B9D1: variants seen among roughly 807,000 people sequenced by gnomAD.
The protein encoded by B9D1 is B9 domain containing 1.
A neutral mutation model predicts 26.1 loss-of-function variants in B9D1; 20 were observed. The observed-to-expected ratio is 0.77, with a 90% CI of 0.54 to 1.12. B9D1 has a LOEUF of 1.12. B9D1 is among the 50% of genes most tolerant of loss of function. B9D1 has a pLI of 0.00. For synonymous variants in B9D1, 105 were observed against 103.1 expected, an observed-to-expected ratio of 1.02 and a Z score of -0.11; for missense variants, 260 against 273.7, an observed-to-expected ratio of 0.95 and a Z score of 0.35.
At chr17:19,350,412 C>T (rs910648296) in intron 3 of B9D1, among the ~76,000 whole-genome samples, 2 of 150,924 alleles carry the variant, frequency 1.3e-5, no homozygotes, top group African/African-American at 4.9e-5. Flanking sequence ...TGGGTGTGGT[C>T]GCATGTGCCT....
upstream of B9D1, among the ~76,000 whole-genome samples, chr17:19,367,256 CAAT>C (rs2152281960): frequency 6.6e-6 from 1 of 150,814 alleles, no homozygotes; most frequent in Admixed American, 6.6e-5. Context: ...ACGTTCTCAA[CAAT>C]GTTGTGTGTT....
chr17:19,361,038 C>T (rs1347651357), intron 1 of B9D1, among the ~76,000 whole-genome samples: 1 of 152,124 alleles, frequency 6.6e-6, no homozygotes. Context: ...ATTAGATTCT[C>T]ATAGGAGCAC....
intron 1 of B9D1, chr17:19,371,677 C>G (rs1411269684): frequency 6.6e-6 from 1 of 152,304 alleles, no homozygotes; most frequent in Non-Finnish European, 1.5e-5. Context: ...ATCTGTTAAA[C>G]TGGCCTCCCT....
chr17:19,337,690 G>T (rs941499851), downstream of B9D1: 1 of 1,531,518 alleles, frequency 6.5e-7, no homozygotes, highest in Non-Finnish European at 8.7e-7. Context: ...GTGACTCAGG[G>T]ACTCAAGCCG....
intron 1 of B9D1, among the ~76,000 whole-genome samples, chr17:19,373,507 T>C (rs934786064): frequency 2.0e-5 from 3 of 152,016 alleles, no homozygotes; most frequent in Non-Finnish European, 4.4e-5. Flanking sequence ...TTCTCCTGCC[T>C]CAGCCTCCCG....
chr17:19,344,774 G>A (rs1908529299), intron 5 of B9D1, among the ~76,000 whole-genome samples: 1 of 152,244 alleles, frequency 6.6e-6, no homozygotes, highest in South Asian at 2.1e-4. Flanking sequence ...AGGGGCCCAG[G>A]CCAGGGAGGG....
upstream of B9D1, chr17:19,363,122 C>T (rs111325872): frequency 5.4e-4 from 87 of 162,568 alleles, 1 homozygote; most frequent in African/African-American, 2.0e-3. Flanking sequence ...TCTGGAATGC[C>T]GGGTGCTCGG....
chr17:19,377,879 A>C (rs1200915166), exon 1 of B9D1: 5 of 985,280 alleles, frequency 5.1e-6, no homozygotes, highest in Non-Finnish European at 6.0e-6. Flanking sequence ...GGAAACCGCG[A>C]GCTGCAGTCC....
In B9D1 at chr17:19,357,931, T is replaced by C. The variant is rs1490262650; in HGVS notation, c.153A>G (p.Ser51=). 1 of 1,613,204 alleles carries C rather than the reference T, an allele frequency of 6.2e-7. No individual in the cohort carries two copies. Among genetic ancestry groups the C allele is most frequent in the Non-Finnish European group, 8.5e-7 (1 of 1,179,270 alleles). Residue 51 remains serine, a synonymous_variant, in exon 3 of 7, where the codon TCA becomes TCG. Coordinates refer to ENST00000261499, the MANE Select transcript of B9D1 (RefSeq NM_015681.6). The part of the protein sequence containing the change: ...APTAGLEEGI[S]QITSKSQDVR... ...CATCTTGGCTCTTGGATGTGATCTG[T>C]GAGATCCCCTCCTCCAGACCCTGTG...
chr17:19,343,537 C>T (rs1325760483), intron 6 of B9D1, 76 bp from the exon 7 acceptor site: 1 of 1,601,710 alleles, frequency 6.2e-7, no homozygotes, highest in South Asian at 1.1e-5. Context: ...GAATCTCAGC[C>T]TCAGCGTTCT....
rs576271541 is a variant in B9D1 at position 19,372,410 on chromosome 17, C to T, written c.-298+5449G>A. ...CCATGTCTCTGTGACCCCCTCCCTC[C>T]TGCCACTTCCCTCTGGCCTTCTCGT... On this transcript the variant is annotated intron_variant, in intron 1 of 5. Transcript: ENST00000477478. The surrounding 1 kb of genome is among the most constrained non-coding windows in gnomAD (Gnocchi z 4.4). Among the ~76,000 whole-genome samples the T allele has an allele frequency of 6.6e-6, 1 of 152,340 alleles. No homozygotes were observed. The highest frequency in any genetic ancestry group is 1.9e-4 in the East Asian group (1 of 5,192).
chr17:19,349,611 G>T (rs1909323852), intron 3 of B9D1, among the ~76,000 whole-genome samples: 1 of 151,978 alleles, frequency 6.6e-6, no homozygotes, highest in Non-Finnish European at 1.5e-5. Flanking sequence ...CAAACTCTTG[G>T]GCTCAAGCAA....
intron 1 of B9D1, chr17:19,371,753 G>A (rs946422861): frequency 2.6e-5 from 4 of 152,314 alleles, no homozygotes; most frequent in Admixed American, 2.6e-4. Flanking sequence ...CCTGGAGCAG[G>A]AGGGCCTGCC....
chr17:19,368,711 G>A (rs1353217153), intron 1 of B9D1, among the ~76,000 whole-genome samples: 1 of 152,168 alleles, frequency 6.6e-6, no homozygotes, highest in African/African-American at 2.4e-5. Context: ...TTGGGAGGCT[G>A]GGGCAGGAGG....
chr17:19,365,423 G>A (rs1442738719), upstream of B9D1, among the ~76,000 whole-genome samples: 1 of 152,210 alleles, frequency 6.6e-6, no homozygotes, highest in Non-Finnish European at 1.5e-5. The surrounding 1 kb of genome is among the most constrained non-coding windows in gnomAD (Gnocchi z 5.0). Context: ...GCACCCACCT[G>A]TCAAAGCAGT....
Position 19,343,358 on chromosome 17 carries a change from AC to A in B9D1, c.575del (p.Gly192ValfsTer55). 2 of 1,613,990 alleles carry A rather than the reference AC, an allele frequency of 1.2e-6. No homozygotes were observed. The highest frequency in any genetic ancestry group is 1.7e-6 in the Non-Finnish European group (2 of 1,179,978). On this transcript the variant is annotated frameshift_variant, in exon 7 of 7. Coordinates refer to ENST00000261499, the MANE Select transcript of B9D1 (RefSeq NM_015681.6). LOFTEE classifies it low-confidence loss of function (END_TRUNC). ...GYDTGPSDTQ[G>X]VLGPSPPQSF... The stretch of plus-strand genomic sequence containing the variant: ...TCTGGGGTGGGCTGGGCCCCAACAC[AC>A]CCTGTGTATCAGAAGGCCCAGTGTC...
At chr17:19,337,950 T>C (rs527537293), downstream of B9D1, among the ~76,000 whole-genome samples, 11 of 152,298 alleles carry the variant, frequency 7.2e-5, no homozygotes, top group South Asian at 8.3e-4. Flanking sequence ...ACATTGCCAG[T>C]CTCTATCACA....
downstream of B9D1, chr17:19,341,457 G>A (rs776387979): frequency 2.9e-5 from 14 of 491,166 alleles, no homozygotes; most frequent in Non-Finnish European, 4.1e-5. Flanking sequence ...TCACGATGGA[G>A]GGAGAAGGGG....
At chr17:19,343,652 G>A (rs1262436123) in intron 6 of B9D1, 138 bp downstream of exon 6, 1 of 1,594,126 alleles carries the variant, frequency 6.3e-7, no homozygotes, top group Non-Finnish European at 8.5e-7. Context: ...CTCCAACCAG[G>A]CCCTCATCTG....
Sources: allele counts gnomAD v4.1 joint callset (sites outside exome capture counted in the v4.1 genomes callset), GRCh38; gene constraint gnomAD v4.1.1; non-coding constraint Gnocchi (gnomAD v3.1); transcripts MANE v1.5; gene names NCBI Gene and HGNC (gene_info 2026-07-23, HGNC 2026-07-21).